ADGRL3: variants seen among roughly 807,000 people sequenced by gnomAD.
The protein encoded by ADGRL3 is calcium-independent alpha-latrotoxin receptor 3.
ADGRL3 carries 62 observed loss-of-function variants against 153.5 expected under a neutral mutation model. The observed-to-expected ratio is 0.40, with a 90% CI of 0.33 to 0.50. The LOEUF is 0.50. ADGRL3 is among the 20% of genes least tolerant of loss of function. The probability of loss-of-function intolerance (pLI) is 0.47; values close to 1 mark genes in which losing one functional copy is unlikely to be tolerated. For missense variants in ADGRL3, 1,641 were observed against 1,859.4 expected (o/e 0.88, Z 2.16); for synonymous variants, 710 against 672.5 (o/e 1.06, Z -0.86).
chr4:61,542,519 G>A (rs1029697277), intron 4 of ADGRL3, among the ~76,000 whole-genome samples: 6 of 152,166 alleles, frequency 3.9e-5, no homozygotes, highest in African/African-American at 1.4e-4. Context: ...AGGCTTGCAT[G>A]TATTTTCTCG....
In ADGRL3 at chr4:61,235,032, G is replaced by A. The variant is rs776857879; in HGVS notation, c.-240+33267G>A. Among the ~76,000 whole-genome samples, 5 of 152,142 alleles carry A rather than the reference G, an allele frequency of 3.3e-5. No individual in the cohort carries two copies. The South Asian group carries it at 8.3e-4, about 25-fold the overall frequency. ...AGAAAACCAACCAAATAAGGTCCCA[G>A]AAGAGATGGAAATGAGCCTCTTTTC... On this transcript the variant is annotated intron_variant, in intron 1 of 26. Transcript: ENST00000683033.
intron 1 of ADGRL3, among the ~76,000 whole-genome samples, chr4:61,326,285 A>G (rs1274164191): frequency 6.6e-6 from 1 of 152,104 alleles, no homozygotes; most frequent in East Asian, 1.9e-4. Flanking sequence ...AAATATCTAG[A>G]CATATATTCA....
intron 6 of ADGRL3, among the ~76,000 whole-genome samples, chr4:61,711,491 T>TATAC (rs757078842): frequency 8.3e-4 from 74 of 89,204 alleles, no homozygotes; most frequent in East Asian, 1.6e-3. Context: ...TATATATATA[T>TATAC]ACACACACAC....
chr4:61,381,223 A>G (rs1222429705), intron 1 of ADGRL3, among the ~76,000 whole-genome samples: 1 of 151,922 alleles, frequency 6.6e-6, no homozygotes, highest in African/African-American at 2.4e-5. Context: ...AAAGACACAT[A>G]TAATAGTGTA....
At chr4:61,551,217 A>T (rs1414753014) in intron 4 of ADGRL3, among the ~76,000 whole-genome samples, 1 of 152,130 alleles carries the variant, frequency 6.6e-6, no homozygotes, top group Middle Eastern at 3.2e-3. Context: ...ATTATACAGT[A>T]ACTCCTTAAA....
chr4:61,235,490 T>C (rs974607399), intron 1 of ADGRL3, among the ~76,000 whole-genome samples: 1 of 152,016 alleles, frequency 6.6e-6, no homozygotes, highest in African/African-American at 2.4e-5. Context: ...CTTACAGAAG[T>C]GAGAAAGAAG....
intron 5 of ADGRL3, among the ~76,000 whole-genome samples, chr4:61,616,718 C>T: frequency 6.6e-6 from 1 of 152,158 alleles, no homozygotes; most frequent in African/African-American, 2.4e-5. Flanking sequence ...TTCTATTCCT[C>T]ATGCTATATG....
chr4:61,258,330 A>C (rs2092193595), intron 1 of ADGRL3, among the ~76,000 whole-genome samples: 1 of 152,120 alleles, frequency 6.6e-6, no homozygotes, highest in Admixed American at 6.5e-5. Context: ...TGCTATATTT[A>C]GTACCCACCA....
rs397993633 is a variant in ADGRL3 at position 61,392,684 on chromosome 4, C to CAAAAAAAAAAAAAAAAAAAAAAAAA, written c.-174+9517_-174+9518insAAAAAAAAAAAAAAAAAAAAAAAAA. 1.9e-3 allele frequency among the ~76,000 whole-genome samples: 26 copies of CAAAAAAAAAAAAAAAAAAAAAAAAA among 13,370 alleles called. 3 individuals carry two copies. Among genetic ancestry groups the CAAAAAAAAAAAAAAAAAAAAAAAAA allele is most frequent in the African/African-American group, 3.2e-3 (19 of 5,858 alleles). The allele number at this position is 13,370 out of a possible 152,430, so 8.8% of individuals were successfully genotyped here. On this transcript the variant is annotated intron_variant, in intron 2 of 26. Coordinates refer to ENST00000683033, the MANE Select transcript of ADGRL3 (RefSeq NM_001387552.1). ...CTGGTGACAGAGCGAGACTCCATCT[C>CAAAAAAAAAAAAAAAAAAAAAAAAA]AAAAAAAAAAAAAAAAAAAAAAGAA...
intron 9 of ADGRL3, among the ~76,000 whole-genome samples, chr4:61,826,963 C>T (rs115684212): frequency 0.011 from 1,718 of 152,136 alleles, 43 homozygotes; most frequent in African/African-American, 0.038. Flanking sequence ...TTCTGTTCTC[C>T]GAAGATTCCG....
intron 2 of ADGRL3, among the ~76,000 whole-genome samples, chr4:61,469,895 A>T (rs1215692206): frequency 6.6e-6 from 1 of 151,922 alleles, no homozygotes; most frequent in African/African-American, 2.4e-5. Flanking sequence ...CATGACAATA[A>T]TAATTAATTT....
intron 4 of ADGRL3, among the ~76,000 whole-genome samples, chr4:61,569,342 A>G (rs1216663818): frequency 6.6e-6 from 1 of 152,186 alleles, no homozygotes; most frequent in Non-Finnish European, 1.5e-5. Context: ...ATATTTATAC[A>G]GTTGTATGAC....
intron 1 of ADGRL3, among the ~76,000 whole-genome samples, chr4:61,287,264 A>G (rs999765251): frequency 6.6e-6 from 1 of 151,876 alleles, no homozygotes; most frequent in African/African-American, 2.4e-5. Flanking sequence ...TGCTAATTTT[A>G]ATAATACTAA....
intron 9 of ADGRL3, among the ~76,000 whole-genome samples, chr4:61,856,719 C>A (rs1479082302): frequency 1.4e-5 from 2 of 141,914 alleles, no homozygotes; most frequent in Non-Finnish European, 3.0e-5. Context: ...AGGGTTCAAG[C>A]AATTCTCCTG....
intron 1 of ADGRL3, among the ~76,000 whole-genome samples, chr4:61,283,257 C>T (rs1490086472): frequency 1.3e-5 from 2 of 151,996 alleles, no homozygotes; most frequent in Non-Finnish European, 2.9e-5. Flanking sequence ...ATTTTCTCTT[C>T]AAGTAACAAA....
chr4:61,222,618 T>C (rs1156785351), intron 1 of ADGRL3, among the ~76,000 whole-genome samples: 8 of 152,098 alleles, frequency 5.3e-5, no homozygotes, highest in African/African-American at 1.7e-4. Context: ...TCAAGCTCCA[T>C]TGGAAATGCC....
chr4:61,542,664 T>C lies in ADGRL3; in HGVS notation c.259+25146T>C, dbSNP rs946852459. ...TATAGCAGTTGCTTATGCATCATAG[T>C]CCATTAAGGGGATGGAATGATTTAC... On this transcript the variant is annotated intron_variant, in intron 4 of 26. Coordinates refer to ENST00000683033, the MANE Select transcript of ADGRL3 (RefSeq NM_001387552.1). Among the ~76,000 whole-genome samples the C allele has an allele frequency of 6.6e-5, 10 of 152,204 alleles. No homozygotes were observed. In the East Asian group the frequency reaches 1.5e-3, roughly 23 times the overall value.
At chr4:61,844,094 A>G (rs1285064866) in intron 9 of ADGRL3, among the ~76,000 whole-genome samples, 5 of 150,790 alleles carry the variant, frequency 3.3e-5, no homozygotes, top group Admixed American at 1.3e-4. Context: ...TCAAAAATGC[A>G]TAAAAATTTT....
chr4:61,397,453 T>A (rs2096881731), intron 2 of ADGRL3, among the ~76,000 whole-genome samples: 1 of 151,924 alleles, frequency 6.6e-6, no homozygotes, highest in African/African-American at 2.4e-5. Flanking sequence ...TGAAAGCACA[T>A]GACCTTCTGT....
Sources: gnomAD v4.1 joint callset for allele counts (sites outside exome capture counted in the v4.1 genomes callset) on GRCh38, gnomAD v4.1.1 for gene constraint, MANE v1.5 for transcripts, NCBI Gene and HGNC (gene_info 2026-07-23, HGNC 2026-07-21) for gene names.